Variants in PXT1 observed in about 807,000 individuals in gnomAD.
PXT1 encodes the protein peroxisomal testis enriched protein 1.
PXT1 carries 11 observed loss-of-function variants against 11.0 expected under a neutral mutation model. The observed-to-expected ratio is 1.00, with a 90% CI of 0.63 to 1.66. PXT1 has a LOEUF of 1.66. Ranked by LOEUF, PXT1 falls within the 40% of genes most tolerant of loss-of-function variation. The probability of loss-of-function intolerance (pLI) is 0.00; values close to 1 mark genes in which losing one functional copy is unlikely to be tolerated. For synonymous variants in PXT1, 43 were observed against 51.4 expected (o/e 0.84, Z 0.70); for missense variants, 141 against 155.5 (o/e 0.91, Z 0.49).
intron 4 of PXT1, 158 bp from the exon 5 acceptor site, chr6:36,392,032 G>T: frequency 1.7e-6 from 1 of 591,978 alleles, no homozygotes; most frequent in Non-Finnish European, 3.0e-6. Flanking sequence ...TGAGCTGAAG[G>T]ACAGTACCTT....
chr6:36,414,379 G>C (rs1774417914), intron 3 of PXT1, among the ~76,000 whole-genome samples: 1 of 152,174 alleles, frequency 6.6e-6, no homozygotes, highest in East Asian at 1.9e-4. Flanking sequence ...TCACATGGAG[G>C]AGGGGAGGAA....
At position 36,410,189 on chromosome 6, in the gene PXT1, G is replaced by A. The variant is rs1367056423; in HGVS notation, c.170-9605C>T. Among the ~76,000 whole-genome samples, 3 of 151,970 alleles carry A rather than the reference G, an allele frequency of 2.0e-5. No homozygotes were observed. The South Asian group carries it at 6.2e-4, about 32-fold the overall frequency. On this transcript the variant is annotated intron_variant, in intron 3 of 4. Transcript: ENST00000454782. ...AGAAAGGCCAGGTGCAGTGGCTCAT[G>A]CCTGTAATCCCAGCACTTTGGGAGG...
chr6:36,411,800 T>C (rs1011983135), intron 3 of PXT1, among the ~76,000 whole-genome samples: 2 of 151,734 alleles, frequency 1.3e-5, no homozygotes. Context: ...AAACAAAAAA[T>C]TAGCCAGGCG....
intron 3 of PXT1, among the ~76,000 whole-genome samples, chr6:36,424,447 C>T (rs1582266674): frequency 6.6e-6 from 1 of 151,866 alleles, no homozygotes; most frequent in East Asian, 1.9e-4. Flanking sequence ...CAAGACCATC[C>T]TGGCTAACAC....
intron 2 of PXT1, among the ~76,000 whole-genome samples, chr6:36,435,297 C>A (rs10947606): frequency 1.3e-5 from 2 of 152,308 alleles, no homozygotes; most frequent in East Asian, 3.9e-4. Flanking sequence ...ATGGCTTACG[C>A]CTGTAATGCC....
At chr6:36,395,658 G>A (rs930315138) in intron 4 of PXT1, among the ~76,000 whole-genome samples, 1 of 151,792 alleles carries the variant, frequency 6.6e-6, no homozygotes, top group Non-Finnish European at 1.5e-5. Flanking sequence ...ACCACACTCG[G>A]CTGGAATTTT....
At chr6:36,430,877 C>T (rs1161292110) in intron 2 of PXT1, among the ~76,000 whole-genome samples, 7 of 152,104 alleles carry the variant, frequency 4.6e-5, no homozygotes, top group Admixed American at 2.6e-4. Flanking sequence ...TGCAGTGCCG[C>T]GATCTTGGCT....
rs386443071 is a variant in PXT1, at chr6:36,391,565, G to C, written c.*205C>G. The C allele has an allele frequency of 1.7e-6, 1 of 577,238 alleles. No individual in the cohort carries two copies. Among genetic ancestry groups the C allele is most frequent in the African/African-American group, 1.9e-5 (1 of 53,076 alleles). The allele number at this position is 577,238 out of a possible 1,614,324, so 35.8% of individuals were successfully genotyped here. On this transcript the variant is annotated 3_prime_UTR_variant, in exon 5 of 5. Transcript: ENST00000454782. ...CCTTGGGCTTTACCGTGATGTGATCGCAGACATCTCATAGCTAGCTCCTCC... is the reference window on the plus strand; with the variant it reads ...CCTTGGGCTTTACCGTGATGTGATCCCAGACATCTCATAGCTAGCTCCTCC...
In PXT1 at chr6:36,391,668, G is replaced by A; in HGVS notation, c.*102C>T. 5 of 820,922 alleles carry A rather than the reference G, an allele frequency of 6.1e-6. No homozygotes were observed. In the South Asian group the frequency reaches 7.1e-5, roughly 12 times the overall value. The allele number at this position is 820,922 out of a possible 1,614,324, so 50.9% of individuals were successfully genotyped here. Reference sequence around the variant, plus strand: ...CCAACAGTGATGGGTACAAAAAGAGGGAGACGGAGAAGGGTGTTCTTCCCA... The same window carrying A: ...CCAACAGTGATGGGTACAAAAAGAGAGAGACGGAGAAGGGTGTTCTTCCCA... On this transcript the variant is annotated 3_prime_UTR_variant, in exon 5 of 5. Transcript: ENST00000454782.
At chr6:36,396,141 G>A (rs542703126) in intron 4 of PXT1, among the ~76,000 whole-genome samples, 14 of 152,220 alleles carry the variant, frequency 9.2e-5, no homozygotes, top group African/African-American at 2.4e-4. Context: ...ACAGATCAGC[G>A]GAACAGAATT....
intron 2 of PXT1, among the ~76,000 whole-genome samples, chr6:36,426,324 T>C (rs953822884): frequency 2.7e-5 from 4 of 148,944 alleles, no homozygotes; most frequent in African/African-American, 9.8e-5. Context: ...TGCATCCTTA[T>C]CTCCCATTAG....
In PXT1 at chr6:36,391,650, T is replaced by C; in HGVS notation, c.*120A>G. The C allele has an allele frequency of 7.9e-6, 6 of 757,110 alleles. No individual in the cohort carries two copies. The highest frequency in any genetic ancestry group is 2.3e-4 in the Middle Eastern group (1 of 4,340). The allele number at this position is 757,110 out of a possible 1,614,324, so 46.9% of individuals were successfully genotyped here. On this transcript the variant is annotated 3_prime_UTR_variant, in exon 5 of 5. Transcript: ENST00000454782. ...CAACAAACTGGGTGTAGACCAACAG[T>C]GATGGGTACAAAAAGAGGGAGACGG...
intron 2 of PXT1, among the ~76,000 whole-genome samples, chr6:36,426,391 A>T (rs1774607964): frequency 4.1e-5 from 2 of 49,204 alleles, no homozygotes; most frequent in African/African-American, 8.6e-5. Context: ...TTTTTTTGAG[A>T]CGAAGTTTTG....
At chr6:36,423,746 C>T (rs1314407591) in intron 3 of PXT1, among the ~76,000 whole-genome samples, 8 of 152,090 alleles carry the variant, frequency 5.3e-5, no homozygotes, top group African/African-American at 1.9e-4. Context: ...AAAGGCAACC[C>T]AGGTGTCCTG....
At chr6:36,436,113 C>CAAAAAAAAAAAAAAAAAAAAAAAAAAAGA (rs11294829) in intron 2 of PXT1, among the ~76,000 whole-genome samples, 1 of 60,094 alleles carries the variant, frequency 1.7e-5, no homozygotes, top group African/African-American at 6.2e-5. Flanking sequence ...AAAAGTAAGC[C>CAAAAAAAAAAAAAAAAAAAAAAAAAAAGA]AAAAAAAAAA....
At chr6:36,400,257 G>T (rs2127410509) in intron 4 of PXT1, among the ~76,000 whole-genome samples, 197 bp downstream of exon 4, 1 of 152,350 alleles carries the variant, frequency 6.6e-6, no homozygotes. Flanking sequence ...ACAGACCACA[G>T]TCTGAGTAGC....
intron 3 of PXT1, among the ~76,000 whole-genome samples, chr6:36,417,216 G>A (rs947178198): frequency 3.3e-5 from 5 of 151,832 alleles, no homozygotes; most frequent in African/African-American, 4.8e-5. Flanking sequence ...GCGTGGTGGC[G>A]GGCACCTGTA....
chr6:36,434,236 A>G (rs1774733081), intron 2 of PXT1, among the ~76,000 whole-genome samples: 1 of 152,158 alleles, frequency 6.6e-6, no homozygotes, highest in Admixed American at 6.6e-5. Context: ...AAAAGGACAT[A>G]TGTCTCCAGG....
chr6:36,430,067 C>T lies in PXT1; in HGVS notation c.-9-3976G>A, dbSNP rs149199258. Among the ~76,000 whole-genome samples, 164 of 151,942 alleles carry T rather than the reference C, an allele frequency of 1.1e-3. 1 individual carries two copies. The highest frequency in any genetic ancestry group is 3.7e-3 in the African/African-American group (153 of 41,454). ...ACTAAAAGTACAAAACTTGGCCAGG[C>T]GTAGTGGCGCATGACTGTAGTCCCA... On this transcript the variant is annotated intron_variant, in intron 2 of 4. Coordinates refer to ENST00000454782, the MANE Select transcript of PXT1 (RefSeq NM_152990.4).
Sources: allele counts gnomAD v4.1 joint callset (sites outside exome capture counted in the v4.1 genomes callset), GRCh38; gene constraint gnomAD v4.1.1; transcripts MANE v1.5; gene names NCBI Gene and HGNC (gene_info 2026-07-23, HGNC 2026-07-21).